Variants in ROBO1 observed in about 807,000 individuals in gnomAD.
ROBO1 encodes roundabout homolog 1.
Under a neutral mutation model 195.9 loss-of-function variants are expected in ROBO1, and 149 were observed. The observed-to-expected ratio is 0.76, with a 90% CI of 0.67 to 0.87. The LOEUF is 0.87. ROBO1 is among the 40% of genes least tolerant of loss of function. The pLI, the probability that ROBO1 is intolerant of heterozygous loss-of-function variation, is 0.00. For synonymous variants in ROBO1, 816 were observed against 733.2 expected (o/e 1.11, Z -1.82); for missense variants, 1,933 against 2,068.3 (o/e 0.93, Z 1.27).
At chr3:78,603,858 T>C (rs1339477121) in intron 29 of ROBO1, among the ~76,000 whole-genome samples, 1 of 152,094 alleles carries the variant, frequency 6.6e-6, no homozygotes, top group Non-Finnish European at 1.5e-5. Context: ...ATTCCATGGG[T>C]TCCTTGTTTC....
chr3:79,366,948 T>C (rs1048076089), intron 2 of ROBO1, among the ~76,000 whole-genome samples: 2 of 152,190 alleles, frequency 1.3e-5, no homozygotes, highest in African/African-American at 4.8e-5. Flanking sequence ...TTGCACTTGG[T>C]CAGAAATAGG....
chr3:79,360,847 T>C (rs2035741936), intron 2 of ROBO1, among the ~76,000 whole-genome samples: 2 of 152,038 alleles, frequency 1.3e-5, no homozygotes, highest in South Asian at 2.1e-4. Flanking sequence ...TTAATCAAAC[T>C]CTCTGAGGAC....
chr3:79,700,478 A>G (rs758062876), intron 1 of ROBO1, among the ~76,000 whole-genome samples: 1 of 151,786 alleles, frequency 6.6e-6, no homozygotes, highest in Non-Finnish European at 1.5e-5. Flanking sequence ...TGAACTAATA[A>G]TTTACATTCC....
chr3:78,920,984 G>A (rs2038912350), intron 4 of ROBO1, among the ~76,000 whole-genome samples: 1 of 151,964 alleles, frequency 6.6e-6, no homozygotes, highest in Non-Finnish European at 1.5e-5. Context: ...GTGTGACATG[G>A]CAAATTTATT....
At chr3:79,637,667 T>A (rs1284558579) in intron 1 of ROBO1, among the ~76,000 whole-genome samples, 1 of 152,094 alleles carries the variant, frequency 6.6e-6, no homozygotes, top group Non-Finnish European at 1.5e-5. Context: ...TTTTATTATA[T>A]AAGATATATA....
At chr3:79,363,682 A>G (rs2035856792) in intron 2 of ROBO1, among the ~76,000 whole-genome samples, 1 of 152,228 alleles carries the variant, frequency 6.6e-6, no homozygotes, top group Non-Finnish European at 1.5e-5. Context: ...ACATGCACAC[A>G]CACAGAAGCA....
intron 2 of ROBO1, among the ~76,000 whole-genome samples, chr3:79,464,278 T>C (rs1279046563): frequency 9.9e-5 from 15 of 152,244 alleles, no homozygotes; most frequent in Admixed American, 7.9e-4. Flanking sequence ...TTGGCTTGAA[T>C]ATATAACTAG....
At chr3:79,331,546 A>C (rs192147793) in intron 2 of ROBO1, among the ~76,000 whole-genome samples, 4 of 152,352 alleles carry the variant, frequency 2.6e-5, no homozygotes, top group Admixed American at 2.6e-4. Context: ...ATTTTTCTGG[A>C]TCAGTTTATT....
intron 2 of ROBO1, among the ~76,000 whole-genome samples, chr3:79,455,449 C>T (rs2039587986): frequency 6.6e-6 from 1 of 151,948 alleles, no homozygotes; most frequent in Non-Finnish European, 1.5e-5. Flanking sequence ...AGAAGAGATG[C>T]TAAAGGTAAT....
chr3:78,960,131 T>C (rs2041261786), intron 3 of ROBO1, among the ~76,000 whole-genome samples: 2 of 151,996 alleles, frequency 1.3e-5, no homozygotes, highest in African/African-American at 4.8e-5. Flanking sequence ...ACACCCGTGA[T>C]TAGCCCCTGC....
intron 3 of ROBO1, among the ~76,000 whole-genome samples, chr3:79,060,445 A>G (rs1420494647): frequency 6.6e-6 from 1 of 152,086 alleles, no homozygotes; most frequent in East Asian, 1.9e-4. Context: ...AGGGGGCATC[A>G]TGGAACCTGC....
At chr3:79,070,906 T>C (rs1381770541) in intron 3 of ROBO1, among the ~76,000 whole-genome samples, 1 of 151,840 alleles carries the variant, frequency 6.6e-6, no homozygotes, top group Non-Finnish European at 1.5e-5. Flanking sequence ...TACTGACTTT[T>C]AAAATTTTTT....
At chr3:79,661,294 C>T (rs938434111) in intron 1 of ROBO1, among the ~76,000 whole-genome samples, 1 of 152,016 alleles carries the variant, frequency 6.6e-6, no homozygotes, top group Non-Finnish European at 1.5e-5. Flanking sequence ...GCTCTCTTTC[C>T]CTCATTTCCC....
intron 3 of ROBO1, among the ~76,000 whole-genome samples, chr3:79,086,862 A>C (rs555876706): frequency 3.6e-4 from 54 of 151,292 alleles, no homozygotes; most frequent in African/African-American, 1.3e-3. Context: ...TATTTATAAA[A>C]CTCCTTTATG....
intron 2 of ROBO1, among the ~76,000 whole-genome samples, chr3:79,253,637 TTA>T (rs1258322986): frequency 4.6e-5 from 7 of 152,094 alleles, no homozygotes; most frequent in Non-Finnish European, 7.4e-5. Flanking sequence ...ACATTCAAAG[TTA>T]TAGGCACAGG....
At chr3:78,910,201 T>C (rs889063288) in intron 4 of ROBO1, among the ~76,000 whole-genome samples, 1 of 151,864 alleles carries the variant, frequency 6.6e-6, no homozygotes, top group Non-Finnish European at 1.5e-5. Flanking sequence ...CTTAGCATTA[T>C]ATGTTTCTTA....
intron 5 of ROBO1, among the ~76,000 whole-genome samples, chr3:78,719,190 G>A (rs1201865169): frequency 6.6e-6 from 1 of 151,908 alleles, no homozygotes; most frequent in African/African-American, 2.4e-5. Context: ...TCTCTGCATC[G>A]TTCATCATTC....
Position 79,337,272 on chromosome 3 carries a change from G to A in ROBO1, c.89-211733C>T, listed in dbSNP as rs548800427. Among the ~76,000 whole-genome samples the A allele has an allele frequency of 2.6e-5, 4 of 152,282 alleles. No homozygotes were observed. In the East Asian group the frequency reaches 7.7e-4, roughly 29 times the overall value. On this transcript the variant is annotated intron_variant, in intron 2 of 30. Transcript: ENST00000464233. The stretch of plus-strand genomic sequence containing the variant: ...GGAGGGGCCAGAGGTGGAATGATAT[G>A]GATTGTCTGTGTTCCCACCCACAAT...
intron 1 of ROBO1, among the ~76,000 whole-genome samples, chr3:79,610,403 T>G (rs1341264611): frequency 3.9e-5 from 6 of 152,002 alleles, no homozygotes; most frequent in African/African-American, 1.4e-4. Context: ...TCAAATTATC[T>G]TATTGTACTG....
Sources: allele counts gnomAD v4.1 joint callset (sites outside exome capture counted in the v4.1 genomes callset), GRCh38; gene constraint gnomAD v4.1.1; transcripts MANE v1.5; gene names NCBI Gene and HGNC (gene_info 2026-07-23, HGNC 2026-07-21).